The following DPP10 variants were observed in gnomAD, a reference collection of about 807,000 sequenced individuals.
DPP10 encodes the protein inactive dipeptidyl peptidase 10.
In DPP10, 33 loss-of-function variants were observed where a neutral mutation model predicts 120.9. The observed-to-expected ratio is 0.27, with a 90% CI of 0.21 to 0.37. The LOEUF is 0.37. Ranked by LOEUF, DPP10 falls within the 10% of genes least tolerant of loss-of-function variation. The pLI is 1.00. For synonymous variants in DPP10, 337 were observed against 326.1 expected, an observed-to-expected ratio of 1.03 and a Z score of -0.36; for missense variants, 816 against 942.8, an observed-to-expected ratio of 0.87 and a Z score of 1.76.
chr2:115,626,044 A>T lies in DPP10; in HGVS notation c.442-63643A>T, dbSNP rs962277798. ...ATACTTTCCTGGCCAAAAAGAAAAA[A>T]AAAAACAAAAAACAGAAGTATAAAC... On this transcript the variant is annotated intron_variant, in intron 5 of 25. Transcript: ENST00000410059. Among the ~76,000 whole-genome samples the T allele has an allele frequency of 4.0e-5, 6 of 151,568 alleles. No homozygotes were observed. The East Asian group carries it at 1.2e-3, about 29-fold the overall frequency.
chr2:114,446,799 C>T (rs1057021709), intron 1 of DPP10, among the ~76,000 whole-genome samples: 2 of 152,090 alleles, frequency 1.3e-5, no homozygotes, highest in Admixed American at 1.3e-4. Context: ...ACTTTTCCCC[C>T]TTGCTACTTC....
At chr2:115,510,799 A>G (rs2077183064) in intron 4 of DPP10, among the ~76,000 whole-genome samples, 1 of 152,166 alleles carries the variant, frequency 6.6e-6, no homozygotes. Context: ...TTATTTAGAT[A>G]TTATTCAGTT....
chr2:114,931,984 T>C (rs1696103174), intron 1 of DPP10, among the ~76,000 whole-genome samples: 1 of 152,248 alleles, frequency 6.6e-6, no homozygotes, highest in Non-Finnish European at 1.5e-5. Context: ...TCGCTAAATC[T>C]GACAACCTTA....
chr2:115,810,920 CAT>C (rs1273759350), intron 19 of DPP10, among the ~76,000 whole-genome samples: 16 of 152,224 alleles, frequency 1.1e-4, no homozygotes, highest in South Asian at 2.1e-4. Flanking sequence ...CCAATACACA[CAT>C]GAGTCGTGGT....
intron 1 of DPP10, among the ~76,000 whole-genome samples, chr2:115,073,161 C>T (rs938561052): frequency 6.6e-6 from 1 of 152,216 alleles, no homozygotes; most frequent in African/African-American, 2.4e-5. Context: ...TGTTAAAGAA[C>T]ATTTATTGTC....
At chr2:115,830,401 G>C in intron 21 of DPP10, among the ~76,000 whole-genome samples, 1 of 149,392 alleles carries the variant, frequency 6.7e-6, no homozygotes, top group South Asian at 2.1e-4. Flanking sequence ...CTGAAATTAA[G>C]TTTAGTTGTC....
intron 1 of DPP10, among the ~76,000 whole-genome samples, chr2:115,126,888 T>C (rs2050109848): frequency 6.6e-6 from 1 of 152,208 alleles, no homozygotes; most frequent in Non-Finnish European, 1.5e-5. Context: ...GGAATAGATA[T>C]TCCTCCAATG....
intron 5 of DPP10, among the ~76,000 whole-genome samples, chr2:115,620,397 A>G (rs2084855400): frequency 6.6e-6 from 1 of 152,232 alleles, no homozygotes; most frequent in African/African-American, 2.4e-5. Flanking sequence ...AGATTGGTAT[A>G]ACATTAGTTC....
At chr2:115,769,034 TA>T (rs1045948142) in intron 13 of DPP10, among the ~76,000 whole-genome samples, 1 of 151,998 alleles carries the variant, frequency 6.6e-6, no homozygotes, top group African/African-American at 2.4e-5. Flanking sequence ...AGTTTTATTA[TA>T]AAAAAATTAG....
chr2:115,650,438 C>G (rs1317366522), intron 5 of DPP10, among the ~76,000 whole-genome samples: 1 of 151,110 alleles, frequency 6.6e-6, no homozygotes, highest in Non-Finnish European at 1.5e-5. Context: ...CACTTGACAA[C>G]TGGTAAAGAT....
chr2:114,706,357 T>G (rs1440287327), intron 1 of DPP10, among the ~76,000 whole-genome samples: 9 of 152,172 alleles, frequency 5.9e-5, no homozygotes, highest in Non-Finnish European at 1.2e-4. Context: ...ATAACAGTAA[T>G]TTACGCTTTC....
intron 1 of DPP10, among the ~76,000 whole-genome samples, chr2:114,470,556 G>A (rs1255478586): frequency 1.3e-5 from 2 of 152,198 alleles, no homozygotes; most frequent in East Asian, 3.9e-4. Context: ...GATTGGAGAT[G>A]AGAAGGGGTA....
At chr2:114,794,397 A>G (rs780370141) in intron 1 of DPP10, among the ~76,000 whole-genome samples, 9 of 152,246 alleles carry the variant, frequency 5.9e-5, no homozygotes, top group Non-Finnish European at 1.0e-4. Flanking sequence ...CACAGAACTT[A>G]GAGATTCAGA....
intron 1 of DPP10, among the ~76,000 whole-genome samples, chr2:114,604,699 C>T (rs537222489): frequency 6.6e-6 from 1 of 152,126 alleles, no homozygotes; most frequent in Non-Finnish European, 1.5e-5. Context: ...GAATGCTTAG[C>T]AAGAAGTTTG....
At chr2:114,908,678 C>G (rs1694151543) in intron 1 of DPP10, among the ~76,000 whole-genome samples, 1 of 151,716 alleles carries the variant, frequency 6.6e-6, no homozygotes, top group African/African-American at 2.4e-5. Context: ...TTCAATAAAT[C>G]ACTATTTCTT....
At chr2:114,584,715 C>T (rs1254411060) in intron 1 of DPP10, among the ~76,000 whole-genome samples, 1 of 151,988 alleles carries the variant, frequency 6.6e-6, no homozygotes, top group Non-Finnish European at 1.5e-5. Flanking sequence ...CAGCCAATGA[C>T]TCAGATAAAC....
At chr2:114,789,077 C>T (rs983761862) in intron 1 of DPP10, among the ~76,000 whole-genome samples, 4 of 152,168 alleles carry the variant, frequency 2.6e-5, no homozygotes, top group African/African-American at 9.7e-5. Flanking sequence ...TGAACTTCAC[C>T]AGGCTCTTGT....
intron 5 of DPP10, among the ~76,000 whole-genome samples, chr2:115,634,147 G>C (rs2086127277): frequency 6.6e-6 from 1 of 152,066 alleles, no homozygotes; most frequent in African/African-American, 2.4e-5. Context: ...GGTCATTTAT[G>C]TTCCTCTCTA....
intron 1 of DPP10, among the ~76,000 whole-genome samples, chr2:114,813,035 T>C (rs1558766854): frequency 6.6e-6 from 1 of 152,202 alleles, no homozygotes; most frequent in African/African-American, 2.4e-5. Context: ...CCATATAAAA[T>C]TAAGCCCACG....
Sources: gnomAD v4.1 joint callset for allele counts (sites outside exome capture counted in the v4.1 genomes callset) on GRCh38, gnomAD v4.1.1 for gene constraint, MANE v1.5 for transcripts, NCBI Gene and HGNC (gene_info 2026-07-23, HGNC 2026-07-21) for gene names.